HEPH: variants seen among roughly 807,000 people sequenced by gnomAD.
The protein encoded by HEPH is hephaestin.
In HEPH, 69 loss-of-function variants were observed where a neutral mutation model predicts 80.8. The observed-to-expected ratio is 0.85, with a 90% CI of 0.70 to 1.04. The LOEUF (loss-of-function observed/expected upper bound fraction) is 1.04. HEPH is among the 50% of genes least tolerant of loss of function. The pLI is 0.00. For missense variants in HEPH, 1,115 were observed against 891.3 expected (o/e 1.25, Z -3.20); for synonymous variants, 431 against 322.8 (o/e 1.34, Z -3.60).
chrX:66,259,740 ACT>A (rs2091297378), intron 18 of HEPH, among the ~76,000 whole-genome samples: 1 of 101,890 alleles, frequency 9.8e-6, no homozygotes, highest in East Asian at 3.1e-4. Flanking sequence ...ATGGAGTCTC[ACT>A]CTGTCATCCA....
At chrX:66,170,960 G>T (rs1215950963) in intron 2 of HEPH, among the ~76,000 whole-genome samples, 1 of 111,500 alleles carries the variant, frequency 9.0e-6, no homozygotes, top group East Asian at 2.8e-4. Flanking sequence ...GTCCTAAAGA[G>T]AATTCCATAT....
At chrX:66,194,971 CAAAGA>C in intron 8 of HEPH, 122 bp from the exon 9 acceptor site, 1 of 485,094 alleles carries the variant, frequency 2.1e-6, no homozygotes. Context: ...CTTATTATTA[CAAAGA>C]AAAGTTTTTT....
At chrX:66,249,051 G>C (rs2090915578) in intron 15 of HEPH, among the ~76,000 whole-genome samples, 1 of 111,482 alleles carries the variant, frequency 9.0e-6, no homozygotes, top group South Asian at 3.8e-4. Context: ...TGATTCAAAG[G>C]GTAGAAAAAC....
chrX:66,262,434 G>A (rs1248353757), intron 19 of HEPH, among the ~76,000 whole-genome samples: 1 of 111,798 alleles, frequency 8.9e-6, no homozygotes, highest in Non-Finnish European at 1.9e-5. Context: ...GTCATCTGCT[G>A]AGAATGAAAG....
At position 66,266,987 on chromosome X, in the gene HEPH, A is replaced by G; in HGVS notation, c.*315A>G. ...AAGGTATTGAAATTTCTAGAAATGT[A>G]TCCTTCTCACAAAGTAGAGACCAAG... On this transcript the variant is annotated 3_prime_UTR_variant, in exon 21 of 21. Coordinates refer to ENST00000343002, the MANE Select transcript of HEPH (RefSeq NM_001367233.3). 1 of 218,471 alleles carries G rather than the reference A, an allele frequency of 4.6e-6. No individual in the cohort carries two copies. The allele number at this position is 218,471 out of a possible 1,213,427, so 18.0% of individuals were successfully genotyped here. A position where few individuals can be genotyped will look rare whatever the true frequency, so the allele number is the denominator to read the frequency against.
chrX:66,201,912 G>A (rs2088480762), intron 12 of HEPH, among the ~76,000 whole-genome samples: 1 of 112,291 alleles, frequency 8.9e-6, no homozygotes, highest in South Asian at 3.7e-4. Context: ...GATAACGGTG[G>A]TAAGGGAAAT....
chrX:66,237,172 TG>T (rs1229685487), intron 15 of HEPH, among the ~76,000 whole-genome samples: 1 of 110,393 alleles, frequency 9.1e-6, no homozygotes, highest in Non-Finnish European at 1.9e-5. Context: ...GCTTTGGGAT[TG>T]TTTTTTTCTT....
At chrX:66,236,853 C>T (rs749098706) in intron 15 of HEPH, among the ~76,000 whole-genome samples, 2 of 110,424 alleles carry the variant, frequency 1.8e-5, no homozygotes, top group Non-Finnish European at 3.8e-5. Flanking sequence ...CTTGGGAGGG[C>T]GTATATGTCC....
chrX:66,192,058 G>T (rs2087820146), intron 6 of HEPH, 72 bp from the exon 7 acceptor site: 2 of 1,026,382 alleles, frequency 1.9e-6, no homozygotes, highest in Non-Finnish European at 2.7e-6. Flanking sequence ...ACTAACAGAA[G>T]GAGGAAGGTG....
chrX:66,246,255 G>T (rs1405969088), intron 15 of HEPH, among the ~76,000 whole-genome samples: 1 of 112,008 alleles, frequency 8.9e-6, no homozygotes, highest in Non-Finnish European at 1.9e-5. Flanking sequence ...AAATCTAGCA[G>T]GCATTACCTG....
chrX:66,208,009 A>G (rs1304254540), intron 14 of HEPH, 106 bp from the exon 15 acceptor site: 3 of 553,996 alleles, frequency 5.4e-6, no homozygotes, highest in Non-Finnish European at 8.3e-6. Flanking sequence ...TTGTCAGGGT[A>G]AACCACTAAT....
At chrX:66,169,810 C>T (rs1298518818) in intron 1 of HEPH, 3 of 111,832 alleles carry the variant, frequency 2.7e-5, no homozygotes, top group Non-Finnish European at 5.6e-5. Context: ...TCACAGAATC[C>T]TACTTCAAGG....
At chrX:66,256,011 G>A (rs777856583) in intron 16 of HEPH, 94 bp from the exon 17 acceptor site, 127 of 562,960 alleles carry the variant, frequency 2.3e-4, no homozygotes, top group Non-Finnish European at 3.5e-4. Flanking sequence ...GAGAGGCACA[G>A]TGGGCTTGTA....
chrX:66,219,622 C>T (rs1091486), intron 15 of HEPH, among the ~76,000 whole-genome samples: 32,114 of 110,515 alleles, frequency 0.29, 4,246 homozygotes, highest in African/African-American at 0.51. Flanking sequence ...TGCCAAAGTA[C>T]CAGGACCATA....
At chrX:66,234,121 C>G (rs926418742) in intron 15 of HEPH, among the ~76,000 whole-genome samples, 5 of 110,302 alleles carry the variant, frequency 4.5e-5, no homozygotes, top group African/African-American at 1.3e-4. Context: ...TCCATGTGTT[C>G]TTATCATTTA....
chrX:66,259,876 TTTTTTTATTTTTTTTA>T (rs1296458912), intron 18 of HEPH, among the ~76,000 whole-genome samples: 4 of 108,397 alleles, frequency 3.7e-5, no homozygotes, highest in Admixed American at 9.9e-5. Flanking sequence ...GCCCGGCAAT[TTTTTTTATTTTTTTTA>T]TTTTTTATTT....
At chrX:66,259,709 G>A (rs2091295028) in intron 18 of HEPH, among the ~76,000 whole-genome samples, 2 of 103,284 alleles carry the variant, frequency 1.9e-5, no homozygotes, top group Non-Finnish European at 3.9e-5. Context: ...GAATAAAGTG[G>A]ACTTTTTTTT....
intron 15 of HEPH, among the ~76,000 whole-genome samples, chrX:66,213,522 C>G (rs982214580): frequency 9.0e-6 from 1 of 111,688 alleles, no homozygotes; most frequent in African/African-American, 3.3e-5. Context: ...GCTCTTTCAC[C>G]TCTTTGGTTA....
intron 15 of HEPH, among the ~76,000 whole-genome samples, chrX:66,216,406 C>T (rs754776699): frequency 1.8e-5 from 2 of 112,190 alleles, no homozygotes; most frequent in African/African-American, 6.5e-5. Flanking sequence ...CGGATTATAT[C>T]TCAAGATTCT....
Sources: allele counts gnomAD v4.1 joint callset (sites outside exome capture counted in the v4.1 genomes callset), GRCh38; gene constraint gnomAD v4.1.1; transcripts MANE v1.5; gene names NCBI Gene and HGNC (gene_info 2026-07-23, HGNC 2026-07-21).